Variants in COL13A1 observed in about 807,000 individuals in gnomAD.
COL13A1 encodes the protein collagen alpha-1(XIII) chain.
In COL13A1, 89 loss-of-function variants were observed where a neutral mutation model predicts 130.9. That is an observed-to-expected ratio of 0.68 (90% CI 0.57 to 0.81). COL13A1 has a LOEUF of 0.81. COL13A1 is among the 30% of genes least tolerant of loss of function. The pLI, the probability that COL13A1 is intolerant of heterozygous loss-of-function variation, is 0.00. For synonymous variants in COL13A1, 402 were observed against 341.6 expected (o/e 1.18, Z -1.95); for missense variants, 879 against 934.6 (o/e 0.94, Z 0.78).
At chr10:69,933,455 G>A (rs972420831) in intron 31 of COL13A1, among the ~76,000 whole-genome samples, 2 of 152,124 alleles carry the variant, frequency 1.3e-5, no homozygotes, top group Non-Finnish European at 2.9e-5. Context: ...CGGGCTCAGG[G>A]GCAAGAACCC....
chr10:69,855,977 A>G (rs916706736), intron 2 of COL13A1, among the ~76,000 whole-genome samples: 2 of 152,232 alleles, frequency 1.3e-5, no homozygotes, highest in Admixed American at 1.3e-4. Flanking sequence ...TCATTCATGC[A>G]TATTCAGCAA....
chr10:69,913,905 C>G (rs576396852), intron 17 of COL13A1, among the ~76,000 whole-genome samples: 35 of 152,130 alleles, frequency 2.3e-4, no homozygotes, highest in Non-Finnish European at 4.1e-4. Flanking sequence ...ATCAAGGAAG[C>G]CCGGGTCACT....
intron 23 of COL13A1, 58 bp downstream of exon 23, chr10:69,922,852 G>T: frequency 8.0e-7 from 1 of 1,251,114 alleles, no homozygotes; most frequent in Non-Finnish European, 1.1e-6. Context: ...TTTGTCTTCA[G>T]CCTGTTCTCG....
At chr10:69,884,752 G>A (rs1260261474) in intron 7 of COL13A1, among the ~76,000 whole-genome samples, 2 of 152,152 alleles carry the variant, frequency 1.3e-5, no homozygotes, top group African/African-American at 4.8e-5. Flanking sequence ...TAATCCCTGT[G>A]CGTGTCTTAT....
At chr10:69,949,974 G>GTGTGTGTGCATGTGTT (rs1319008540) in intron 38 of COL13A1, among the ~76,000 whole-genome samples, 3 of 151,858 alleles carry the variant, frequency 2.0e-5, no homozygotes, top group Non-Finnish European at 4.4e-5. Context: ...GCGTGTGTGT[G>GTGTGTGTGCATGTGTT]TGTGTGTGCA....
At chr10:69,872,062 C>A in intron 3 of COL13A1, 122 bp from the exon 4 acceptor site, 1 of 1,163,914 alleles carries the variant, frequency 8.6e-7, no homozygotes, top group South Asian at 1.3e-5. Flanking sequence ...TCGTTTTGTT[C>A]ATAAAATAAC....
intron 2 of COL13A1, among the ~76,000 whole-genome samples, chr10:69,858,436 A>T (rs576494971): frequency 2.4e-4 from 36 of 152,328 alleles, no homozygotes; most frequent in Admixed American, 1.3e-3. Context: ...CACAGCTAGT[A>T]AGTAGTAAAG....
chr10:69,849,089 A>G (rs1486509367), intron 2 of COL13A1, among the ~76,000 whole-genome samples: 1 of 152,238 alleles, frequency 6.6e-6, no homozygotes, highest in Non-Finnish European at 1.5e-5. Flanking sequence ...TACCAAACCC[A>G]AAGAGAAGTG....
intron 12 of COL13A1, 95 bp downstream of exon 12, chr10:69,894,796 T>C (rs2061488832): frequency 2.6e-6 from 4 of 1,533,370 alleles, no homozygotes; most frequent in Non-Finnish European, 3.6e-6. Flanking sequence ...CAAACTTCAG[T>C]TTTAATTGAC....
intron 38 of COL13A1, 48 bp from the exon 39 acceptor site, chr10:69,952,834 A>G (rs1333044455): frequency 2.4e-6 from 3 of 1,274,126 alleles, no homozygotes; most frequent in Non-Finnish European, 3.3e-6. Flanking sequence ...CACATGAATG[A>G]TCTTAAAGTT....
In COL13A1 at chr10:69,924,970, G is replaced by A. The variant is rs372794494; in HGVS notation, c.1292G>A (p.Arg431His). ...AATTTTGTCATGCAACAGGGGGAGC[G>A]TGGAGCAGCTGGAGAACAGGGACCA... ...PPGQPGDKGERGAAGEQGPDG... is the reference protein window; with the variant it reads ...PPGQPGDKGEHGAAGEQGPDG... The change falls in exon 25 of 41, where the codon CGT (arginine) becomes CAT (histidine). Residue 431 changes from arginine (R) to histidine (H), a missense_variant. Around this residue, in one of 3 missense-constraint regions of COL13A1, gnomAD observed 715 missense variants for 721.0 expected, o/e 0.99. Coordinates refer to ENST00000645393, the MANE Select transcript of COL13A1 (RefSeq NM_001368882.1). The A allele has an allele frequency of 5.3e-5, 84 of 1,592,974 alleles. No individual in the cohort carries two copies. The highest frequency in any genetic ancestry group is 1.1e-4 in the East Asian group (5 of 44,028).
chr10:69,810,715 A>C (rs1373399652), intron 1 of COL13A1, among the ~76,000 whole-genome samples: 1 of 152,148 alleles, frequency 6.6e-6, no homozygotes, highest in Non-Finnish European at 1.5e-5. Flanking sequence ...CTCCAAGGGA[A>C]ACTGAGGCCT....
intron 16 of COL13A1, 23 bp from the exon 17 acceptor site, chr10:69,905,764 T>A: frequency 6.2e-7 from 1 of 1,612,788 alleles, no homozygotes; most frequent in Non-Finnish European, 8.5e-7. Flanking sequence ...ACCTCTTTAA[T>A]GGCCTTCTCT....
At chr10:69,890,723 T>C (rs2061092205) in intron 10 of COL13A1, among the ~76,000 whole-genome samples, 1 of 152,240 alleles carries the variant, frequency 6.6e-6, no homozygotes, top group Non-Finnish European at 1.5e-5. Flanking sequence ...CAACCTGTCC[T>C]CTTGACTCAG....
At chr10:69,817,799 A>G (rs887326265) in intron 1 of COL13A1, among the ~76,000 whole-genome samples, 17 of 152,078 alleles carry the variant, frequency 1.1e-4, no homozygotes, top group African/African-American at 3.9e-4. Flanking sequence ...CGCAGGTTGA[A>G]GGCCCTGTGG....
chr10:69,829,993 G>T (rs1374777429), intron 2 of COL13A1, among the ~76,000 whole-genome samples: 1 of 152,206 alleles, frequency 6.6e-6, no homozygotes, highest in African/African-American at 2.4e-5. Context: ...ACACTGGGGT[G>T]GTCGGCTGAG....
intron 5 of COL13A1, chr10:69,877,678 C>G (rs1486023264): frequency 1.2e-5 from 1 of 86,834 alleles, no homozygotes; most frequent in Non-Finnish European, 2.3e-5. Context: ...CTCTCTGTCT[C>G]TCTCTCTCTC....
At chr10:69,953,342 G>T (rs564318514) in intron 39 of COL13A1, among the ~76,000 whole-genome samples, 135 of 152,278 alleles carry the variant, frequency 8.9e-4, no homozygotes, top group African/African-American at 3.1e-3. Flanking sequence ...TCGTTTCATG[G>T]CCACCTCTGT....
At chr10:69,843,643 G>T (rs990965969) in intron 2 of COL13A1, among the ~76,000 whole-genome samples, 3 of 152,186 alleles carry the variant, frequency 2.0e-5, no homozygotes, top group African/African-American at 7.2e-5. Flanking sequence ...TAATGAGAAG[G>T]CTTGTTCTAT....
Sources: allele counts gnomAD v4.1 joint callset (sites outside exome capture counted in the v4.1 genomes callset), GRCh38; gene constraint gnomAD v4.1.1; regional missense constraint gnomAD v4.1.1; transcripts MANE v1.5; gene names NCBI Gene and HGNC (gene_info 2026-07-23, HGNC 2026-07-21).